SIPA1L2: variants seen among roughly 807,000 people sequenced by gnomAD.
SIPA1L2 encodes signal-induced proliferation-associated 1-like protein 2.
A neutral mutation model predicts 163.9 loss-of-function variants in SIPA1L2; 56 were observed. That is an observed-to-expected ratio of 0.34 (90% confidence interval 0.28 to 0.43). The LOEUF (loss-of-function observed/expected upper bound fraction) is 0.43. SIPA1L2 is among the 20% of genes least tolerant of loss of function. The probability of loss-of-function intolerance (pLI) is 1.00; values close to 1 mark genes in which losing one functional copy is unlikely to be tolerated. For synonymous variants in SIPA1L2, 877 were observed against 865.7 expected, an observed-to-expected ratio of 1.01 and a Z score of -0.23; for missense variants, 1,974 against 2,193.5, an observed-to-expected ratio of 0.90 and a Z score of 2.00.
intron 1 of SIPA1L2, among the ~76,000 whole-genome samples, chr1:232,589,065 A>T (rs758626750): frequency 8.5e-5 from 13 of 152,244 alleles, no homozygotes; most frequent in African/African-American, 2.4e-4. Flanking sequence ...GAGAAGCACT[A>T]TCTGAAAGAA....
chr1:232,616,730 A>G (rs1358238258), intron 1 of SIPA1L2, among the ~76,000 whole-genome samples: 2 of 152,252 alleles, frequency 1.3e-5, no homozygotes, highest in Non-Finnish European at 2.9e-5. Context: ...GCCCTAAGGA[A>G]AAGTCTTCCC....
intron 10 of SIPA1L2, among the ~76,000 whole-genome samples, chr1:232,446,432 T>C (rs1663222685): frequency 6.6e-6 from 1 of 152,190 alleles, no homozygotes; most frequent in African/African-American, 2.4e-5. Flanking sequence ...TTGTTTGTGG[T>C]GACTATTTCA....
chr1:232,512,749 T>C (rs759705217), intron 3 of SIPA1L2, among the ~76,000 whole-genome samples: 3 of 152,040 alleles, frequency 2.0e-5, no homozygotes, highest in Admixed American at 6.5e-5. Flanking sequence ...ATAGCACAAG[T>C]ATAACTATGT....
In SIPA1L2 at chr1:232,471,363, T is replaced by C. The variant is rs767101205; in HGVS notation, c.2243+8A>G. On this transcript the variant is annotated splice_region_variant and intron_variant, in intron 8 of 22. Coordinates refer to ENST00000674635, the MANE Select transcript of SIPA1L2 (RefSeq NM_020808.5). ...GGGAGAATGATAGATCAGGGATGACTGACTCACCTATAACACACATTTTCG... is the reference window on the plus strand; with the variant it reads ...GGGAGAATGATAGATCAGGGATGACCGACTCACCTATAACACACATTTTCG... The C allele has an allele frequency of 2.5e-6, 4 of 1,608,510 alleles. No individual in the cohort carries two copies. Among genetic ancestry groups the C allele is most frequent in the Admixed American group, 3.4e-5 (2 of 58,762 alleles).
At chr1:232,509,591 T>G (rs950041189) in intron 3 of SIPA1L2, among the ~76,000 whole-genome samples, 1 of 152,166 alleles carries the variant, frequency 6.6e-6, no homozygotes, top group Non-Finnish European at 1.5e-5. Context: ...CTCATGATGT[T>G]TGCAGACAGA....
chr1:232,432,528 C>G, intron 15 of SIPA1L2, 57 bp from the exon 16 acceptor site: 1 of 1,533,148 alleles, frequency 6.5e-7, no homozygotes, highest in African/African-American at 1.4e-5. Context: ...AGTGCTGGCA[C>G]ACGGCCAAAT....
chr1:232,550,565 C>T (rs1269284428), intron 2 of SIPA1L2, among the ~76,000 whole-genome samples: 3 of 152,182 alleles, frequency 2.0e-5, no homozygotes, highest in Non-Finnish European at 4.4e-5. Flanking sequence ...GCTGATTCTG[C>T]CTTTTGGAGC....
In SIPA1L2 at chr1:232,465,006, T is replaced by TC; in HGVS notation, c.2653dup (p.Glu885GlyfsTer46). The TC allele has an allele frequency of 6.2e-7, 1 of 1,614,194 alleles. No homozygotes were observed. The highest frequency in any genetic ancestry group is 8.5e-7 in the Non-Finnish European group (1 of 1,180,030). On this transcript the variant is annotated frameshift_variant, in exon 9 of 23. Coordinates refer to ENST00000674635, the MANE Select transcript of SIPA1L2 (RefSeq NM_020808.5). LOFTEE classifies it high-confidence loss of function. This position sits in a 1 kb window ranked among gnomAD's most constrained non-coding sequence, Gnocchi z 4.1. ...GAATACAACATTCTTGGAATCCTTT[T>TC]CAATCAACATGATGAACTCATTGGA...
chr1:232,564,793 G>T (rs1162326450), intron 2 of SIPA1L2, among the ~76,000 whole-genome samples: 1 of 152,142 alleles, frequency 6.6e-6, no homozygotes, highest in East Asian at 1.9e-4. Context: ...ATAGATGGGA[G>T]AAGTAATAAA....
intron 1 of SIPA1L2, among the ~76,000 whole-genome samples, chr1:232,576,643 A>G (rs1298640084): frequency 6.6e-6 from 1 of 152,240 alleles, no homozygotes; most frequent in Non-Finnish European, 1.5e-5. Context: ...AATGGGGAAG[A>G]CATGTCAAAA....
intron 1 of SIPA1L2, among the ~76,000 whole-genome samples, chr1:232,621,827 T>C (rs547597186): frequency 6.6e-6 from 1 of 152,026 alleles, no homozygotes; most frequent in East Asian, 1.9e-4. Flanking sequence ...ACGCCTGGGC[T>C]CAAGGGATCG....
At position 232,466,203 on chromosome 1, in the gene SIPA1L2, A is replaced by T. The variant is rs191438900; in HGVS notation, c.2244-787T>A. Among the ~76,000 whole-genome samples the T allele has an allele frequency of 3.9e-5, 6 of 152,236 alleles. No individual in the cohort carries two copies. The East Asian group carries it at 1.2e-3, about 30-fold the overall frequency. ...GTTTAGCCCACGTTAGCTGCATGGG[A>T]TTCAGTGACGTGGGACAGAGTGATC... On this transcript the variant is annotated intron_variant, in intron 8 of 22. Transcript: ENST00000674635.
chr1:232,510,236 A>ATG (rs1666919872), intron 3 of SIPA1L2, among the ~76,000 whole-genome samples: 1 of 151,458 alleles, frequency 6.6e-6, no homozygotes, highest in South Asian at 2.1e-4. Context: ...ATGAAAATAT[A>ATG]TATATATATA....
chr1:232,439,799 G>A (rs1034544718), intron 14 of SIPA1L2, among the ~76,000 whole-genome samples: 2 of 152,144 alleles, frequency 1.3e-5, no homozygotes, highest in Non-Finnish European at 2.9e-5. Flanking sequence ...ATAAGCAAAG[G>A]TGATATAAAC....
At chr1:232,563,711 A>G (rs1045641067) in intron 2 of SIPA1L2, among the ~76,000 whole-genome samples, 1 of 152,130 alleles carries the variant, frequency 6.6e-6, no homozygotes. Context: ...GCTTAAAACA[A>G]CAAAGCTTTT....
chr1:232,445,144 T>C (rs532295665), intron 11 of SIPA1L2, among the ~76,000 whole-genome samples: 8 of 152,356 alleles, frequency 5.3e-5, no homozygotes, highest in South Asian at 2.1e-4. Flanking sequence ...ACTCACATTA[T>C]GATGATATTT....
chr1:232,544,352 G>A (rs946379375), intron 2 of SIPA1L2, among the ~76,000 whole-genome samples: 2 of 152,164 alleles, frequency 1.3e-5, no homozygotes, highest in African/African-American at 4.8e-5. Flanking sequence ...ACAAGGTCAG[G>A]AGATGGAGAC....
Position 232,533,344 on chromosome 1 carries a change from T to C in SIPA1L2, c.-269-17736A>G, listed in dbSNP as rs367907068. ...AAGTAGCATTAATGATTGAGTTACC[T>C]TTTAAAGTCACCCTATACTTCCTTC... is the stretch of plus-strand genomic sequence containing the variant. On this transcript the variant is annotated intron_variant, in intron 2 of 22. Coordinates refer to ENST00000674635, the MANE Select transcript of SIPA1L2 (RefSeq NM_020808.5). Among the ~76,000 whole-genome samples, 224 of 152,350 alleles carry C rather than the reference T, an allele frequency of 1.5e-3. 2 individuals are homozygous for C. The highest frequency in any genetic ancestry group is 5.1e-3 in the African/African-American group (212 of 41,576).
chr1:232,505,132 T>A (rs953470746), intron 3 of SIPA1L2, among the ~76,000 whole-genome samples: 1 of 152,212 alleles, frequency 6.6e-6, no homozygotes, highest in Admixed American at 6.5e-5. Flanking sequence ...CTTCTTTTCA[T>A]AACCTGTATG....
Sources: allele counts gnomAD v4.1 joint callset (sites outside exome capture counted in the v4.1 genomes callset), GRCh38; gene constraint gnomAD v4.1.1; non-coding constraint Gnocchi (gnomAD v3.1); transcripts MANE v1.5; gene names NCBI Gene and HGNC (gene_info 2026-07-23, HGNC 2026-07-21).